ECPAS: variants seen among roughly 807,000 people sequenced by gnomAD.
ECPAS encodes the protein proteasome adapter and scaffold protein ECM29.
In ECPAS, 70 loss-of-function variants were observed where a neutral mutation model predicts 255.1. The observed-to-expected ratio is 0.27, with a 90% CI of 0.23 to 0.33. The LOEUF is 0.33. Among genes scored for constraint, ECPAS ranks in the 10% least tolerant of loss-of-function variants. The pLI, the probability that ECPAS is intolerant of heterozygous loss-of-function variation, is 1.00. For synonymous variants in ECPAS, 784 were observed against 775.0 expected (o/e 1.01, Z -0.19); for missense variants, 1,817 against 2,206.4 (o/e 0.82, Z 3.54).
intron 23 of ECPAS, among the ~76,000 whole-genome samples, chr9:111,409,423 G>A (rs1323808472): frequency 6.6e-6 from 1 of 152,118 alleles, no homozygotes; most frequent in Non-Finnish European, 1.5e-5. Context: ...AGCTGGGCAT[G>A]GTGGCGTGCG....
chr9:111,385,684 T>C (rs990148150), intron 32 of ECPAS, among the ~76,000 whole-genome samples: 1 of 152,198 alleles, frequency 6.6e-6, no homozygotes, highest in Admixed American at 6.5e-5. Flanking sequence ...ACATCGTTTT[T>C]TATTCACCAG....
At chr9:111,364,320 C>A (rs1347414412) in intron 48 of ECPAS, among the ~76,000 whole-genome samples, 1 of 152,138 alleles carries the variant, frequency 6.6e-6, no homozygotes, top group African/African-American at 2.4e-5. Flanking sequence ...GTGACGGTGA[C>A]CTGTCAAAAG....
At chr9:111,398,226 T>A (rs2098170473) in intron 24 of ECPAS, among the ~76,000 whole-genome samples, 1 of 152,148 alleles carries the variant, frequency 6.6e-6, no homozygotes, top group Admixed American at 6.6e-5. Context: ...AAAAAAGATT[T>A]AAAGGCTTTA....
Position 111,392,824 on chromosome 9 carries a change from T to C in ECPAS, c.3036A>G (p.Glu1012=), listed in dbSNP as rs775772413. ...GLGLVYELGN[E]QDQQELVSTL... ...TAGAAACCAATTCCTGTTGATCTTG[T>C]TCATTGCCTAGTTCATAAACCAACC... is the stretch of plus-strand genomic sequence containing the variant. Residue 1012 remains glutamate (E), a synonymous_variant, in exon 28 of 50, where the codon GAA becomes GAG. Transcript: ENST00000684092. 6.2e-6 allele frequency: 10 copies of C among 1,613,664 alleles called. No individual in the cohort carries two copies. In the South Asian group the frequency reaches 1.1e-4, roughly 18 times the overall value.
chr9:111,385,615 A>G (rs1317065949), intron 32 of ECPAS, among the ~76,000 whole-genome samples, 173 bp from the exon 33 acceptor site: 1 of 152,204 alleles, frequency 6.6e-6, no homozygotes, highest in Non-Finnish European at 1.5e-5. Flanking sequence ...ATATATATGT[A>G]ATTTACAATT....
At chr9:111,386,092 T>C (rs1181599811) in intron 32 of ECPAS, among the ~76,000 whole-genome samples, 1 of 152,218 alleles carries the variant, frequency 6.6e-6, no homozygotes, top group Admixed American at 6.5e-5. Flanking sequence ...GCCTCCCATG[T>C]AGCTGGGACT....
Position 111,422,191 on chromosome 9 carries a change from T to A in ECPAS, c.1275A>T (p.Pro425=). The change falls in exon 14 of 50, where the codon CCA becomes CCT. Residue 425 remains proline (P), a synonymous_variant. Coordinates refer to ENST00000684092, the MANE Select transcript of ECPAS (RefSeq NM_001364929.1). The part of the protein sequence containing the change: ...SAVGKLSSRM[P]HLFTKDIALV... ...GCGCTATATCCTTAGTGAATAAATG[T>A]GGCATCCGACTGCAAAAGAATGTAA... 1 of 1,613,428 alleles carries A rather than the reference T, an allele frequency of 6.2e-7. No individual in the cohort carries two copies. The highest frequency in any genetic ancestry group is 8.5e-7 in the Non-Finnish European group (1 of 1,179,542).
chr9:111,404,478 T>C (rs2098180913), intron 24 of ECPAS, among the ~76,000 whole-genome samples: 1 of 148,718 alleles, frequency 6.7e-6, no homozygotes, highest in South Asian at 2.1e-4. Context: ...TCCCCAATGT[T>C]GGAGGAGAGG....
At chr9:111,475,500 C>G (rs1273856481) in intron 1 of ECPAS, among the ~76,000 whole-genome samples, 1 of 152,004 alleles carries the variant, frequency 6.6e-6, no homozygotes, top group Non-Finnish European at 1.5e-5. Context: ...TTTGGGAGGC[C>G]GAGGCAGGCA....
Position 111,412,001 on chromosome 9 carries a change from C to T in ECPAS, c.2214+13G>A, listed in dbSNP as rs373868181. The stretch of plus-strand genomic sequence containing the variant: ...TATCTCCCACAAAAAAGAATGAAAA[C>T]AAAATAACATACGTGATTGTCTTTT... On this transcript the variant is annotated intron_variant, in intron 21 of 49. Transcript: ENST00000684092. 3 of 1,512,700 alleles carry T rather than the reference C, an allele frequency of 2.0e-6. No individual in the cohort carries two copies. The highest frequency in any genetic ancestry group is 2.6e-5 in the Admixed American group (1 of 38,212). The allele number at this position is 1,512,700 out of a possible 1,614,324, so 93.7% of individuals were successfully genotyped here. A position where few individuals can be genotyped will look rare whatever the true frequency, so the allele number is the denominator to read the frequency against.
chr9:111,415,228 C>T (rs980301980), intron 18 of ECPAS, among the ~76,000 whole-genome samples: 2 of 126,928 alleles, frequency 1.6e-5, no homozygotes, highest in Admixed American at 1.6e-4. Flanking sequence ...TTTTAAAAGC[C>T]GTGTGTGTGT....
At chr9:111,467,543 C>G (rs890478740) in intron 2 of ECPAS, among the ~76,000 whole-genome samples, 2 of 151,842 alleles carry the variant, frequency 1.3e-5, no homozygotes, top group Non-Finnish European at 2.9e-5. Context: ...ATATTTTTTT[C>G]CTGAATATGA....
intron 3 of ECPAS, among the ~76,000 whole-genome samples, chr9:111,449,835 G>C (rs2098257932): frequency 6.6e-6 from 1 of 152,056 alleles, no homozygotes; most frequent in Non-Finnish European, 1.5e-5. Flanking sequence ...TTCGTCTCAT[G>C]CACTGGGGAC....
At chr9:111,462,908 A>G (rs879315280) in intron 2 of ECPAS, among the ~76,000 whole-genome samples, 1 of 151,922 alleles carries the variant, frequency 6.6e-6, no homozygotes, top group Non-Finnish European at 1.5e-5. Context: ...ACACCTGGCT[A>G]ATTTTGTATT....
chr9:111,398,466 G>C (rs1026897035), intron 24 of ECPAS, among the ~76,000 whole-genome samples: 2 of 151,966 alleles, frequency 1.3e-5, no homozygotes, highest in Non-Finnish European at 2.9e-5. Context: ...AGAAATAAAG[G>C]GGGGTTCAAT....
rs1199245629 is a variant in ECPAS at position 111,373,334 on chromosome 9, G to A, written c.4250C>T (p.Ala1417Val). ...ACTCACCCGAACTAAATGGCCCATA[G>A]CAAATGCACAAGATTTCTGAATCAC... ...NSVIQKSCAF[A>V]MGHLVRTSRD... Residue 1417 changes from alanine to valine, a missense_variant, in exon 40 of 50, where the codon GCT (alanine) becomes GTT (valine). This residue lies in a region of ECPAS where 960 missense variants were observed against 1,179.0 expected (regional missense o/e 0.81). Coordinates refer to ENST00000684092, the MANE Select transcript of ECPAS (RefSeq NM_001364929.1). 6.2e-7 allele frequency: 1 copy of A among 1,613,738 alleles called. No individual in the cohort carries two copies. The highest frequency in any genetic ancestry group is 1.7e-5 in the Admixed American group (1 of 60,002).
At chr9:111,460,366 A>G (rs1218414561) in intron 2 of ECPAS, among the ~76,000 whole-genome samples, 1 of 152,342 alleles carries the variant, frequency 6.6e-6, no homozygotes, top group East Asian at 1.9e-4. Context: ...ATAAAAACTT[A>G]CAGCAAACAT....
chr9:111,364,617 A>G (rs1164601735), intron 48 of ECPAS, among the ~76,000 whole-genome samples: 1 of 152,306 alleles, frequency 6.6e-6, no homozygotes, highest in South Asian at 2.1e-4. Context: ...TATAGAGAAG[A>G]AATTTTAAAG....
intron 3 of ECPAS, among the ~76,000 whole-genome samples, chr9:111,449,368 AATG>A (rs1422399606): frequency 3.9e-5 from 6 of 152,322 alleles, no homozygotes; most frequent in South Asian, 2.1e-4. Context: ...CATTTGAAAT[AATG>A]ATAACAGAAT....
Sources: gnomAD v4.1 joint callset for allele counts (sites outside exome capture counted in the v4.1 genomes callset) on GRCh38, gnomAD v4.1.1 for gene constraint, gnomAD v4.1.1 regional missense constraint, MANE v1.5 for transcripts, NCBI Gene and HGNC (gene_info 2026-07-23, HGNC 2026-07-21) for gene names.